FOXP1: variants seen among roughly 807,000 people sequenced by gnomAD.
FOXP1 encodes the protein forkhead box P1.
A neutral mutation model predicts 98.2 loss-of-function variants in FOXP1; 15 were observed. That is an observed-to-expected ratio of 0.15 (90% CI 0.10 to 0.24). The LOEUF (loss-of-function observed/expected upper bound fraction) is 0.24, where lower values mean the gene tolerates loss of function less well. Among genes scored for constraint, FOXP1 ranks in the 10% least tolerant of loss-of-function variants. The probability of loss-of-function intolerance (pLI) is 1.00; values close to 1 mark genes in which losing one functional copy is unlikely to be tolerated. For missense variants in FOXP1, 633 were observed against 848.5 expected (o/e 0.75, Z 3.15); for synonymous variants, 371 against 314.5 (o/e 1.18, Z -1.90).
intron 6 of FOXP1, among the ~76,000 whole-genome samples, chr3:71,179,405 T>C (rs989771340): frequency 2.0e-5 from 3 of 152,046 alleles, no homozygotes; most frequent in Non-Finnish European, 2.9e-5. Context: ...ACTACACAAG[T>C]CTTAACAATA....
chr3:70,970,880 G>T, intron 18 of FOXP1, 75 bp from the exon 19 acceptor site: 1 of 1,134,072 alleles, frequency 8.8e-7, no homozygotes, highest in Non-Finnish European at 1.3e-6. Flanking sequence ...TTTGTTTTAA[G>T]CTTGCTGGTG....
At position 70,959,535 on chromosome 3, in the gene FOXP1, C is replaced by T. The variant is rs927500363; in HGVS notation, c.1890-144G>A. The stretch of plus-strand genomic sequence containing the variant: ...TTGTTACCATTAGCCACACGTGGCT[C>T]TTTAAATTGAAATGAACGAAATCTT... On this transcript the variant is annotated intron_variant, in intron 20 of 20. Transcript: ENST00000649528. 9.4e-6 allele frequency: 8 copies of T among 849,062 alleles called. No homozygotes were observed. In the African/African-American group the frequency reaches 1.2e-4, roughly 13 times the overall value. The allele number at this position is 849,062 out of a possible 1,614,324, so 52.6% of individuals were successfully genotyped here.
intron 7 of FOXP1, among the ~76,000 whole-genome samples, chr3:71,081,666 G>A (rs1176092543): frequency 6.6e-6 from 1 of 152,186 alleles, no homozygotes; most frequent in Non-Finnish European, 1.5e-5. Flanking sequence ...TTTGTTGGAA[G>A]GAGCAGTGCT....
At chr3:71,311,519 T>C (rs2074680449) in intron 4 of FOXP1, among the ~76,000 whole-genome samples, 1 of 152,246 alleles carries the variant, frequency 6.6e-6, no homozygotes, top group Admixed American at 6.5e-5. Context: ...CTCCAGCTAC[T>C]CTGTTCCTAC....
At chr3:71,421,895 C>T (rs1400109795) in intron 3 of FOXP1, among the ~76,000 whole-genome samples, 3 of 152,216 alleles carry the variant, frequency 2.0e-5, no homozygotes, top group Admixed American at 6.5e-5. Context: ...GATGGAGCAC[C>T]TCCATGTGAA....
chr3:71,367,094 A>G (rs964253454), intron 3 of FOXP1, among the ~76,000 whole-genome samples: 1 of 152,192 alleles, frequency 6.6e-6, no homozygotes, highest in Non-Finnish European at 1.5e-5. Flanking sequence ...TTGGCATTTC[A>G]TAAATATTTA....
At chr3:71,270,632 T>C (rs1192075099) in intron 5 of FOXP1, among the ~76,000 whole-genome samples, 4 of 152,200 alleles carry the variant, frequency 2.6e-5, no homozygotes. Context: ...GGATGAGAGT[T>C]TTATCCTGTA....
At chr3:71,064,916 G>GTC in intron 7 of FOXP1, 1 of 540,778 alleles carries the variant, frequency 1.8e-6, no homozygotes, top group Non-Finnish European at 2.3e-6. Context: ...CGGCGTGCAG[G>GTC]CGGACTGCAC....
At chr3:71,001,563 C>A (rs1046534316) in intron 12 of FOXP1, among the ~76,000 whole-genome samples, 1 of 151,818 alleles carries the variant, frequency 6.6e-6, no homozygotes, top group Non-Finnish European at 1.5e-5. Context: ...GAAACATGAG[C>A]CTACACATGC....
At chr3:71,047,597 T>C (rs1159959919) in intron 9 of FOXP1, among the ~76,000 whole-genome samples, 1 of 152,240 alleles carries the variant, frequency 6.6e-6, no homozygotes, top group Non-Finnish European at 1.5e-5. Context: ...AAACTTCATC[T>C]AATATTGTTA....
In FOXP1 at chr3:71,007,121, T is replaced by G. The variant is rs560434865; in HGVS notation, c.975-6062A>C. Among the ~76,000 whole-genome samples the G allele has an allele frequency of 2.0e-5, 3 of 152,260 alleles. No homozygotes were observed. In the South Asian group the frequency reaches 6.2e-4, roughly 32 times the overall value. On this transcript the variant is annotated intron_variant, in intron 12 of 20. Coordinates refer to ENST00000649528, the MANE Select transcript of FOXP1 (RefSeq NM_001349338.3). ...AAGACATTAAAAGGGGGAAAAAATTTTTTTTGGTAACACCCTATTTTTATT... is the reference window on the plus strand; with the variant it reads ...AAGACATTAAAAGGGGGAAAAAATTGTTTTTGGTAACACCCTATTTTTATT...
At chr3:71,095,300 C>T (rs998667524) in intron 7 of FOXP1, among the ~76,000 whole-genome samples, 4 of 152,200 alleles carry the variant, frequency 2.6e-5, no homozygotes, top group Non-Finnish European at 4.4e-5. Flanking sequence ...ATCTGGGCCT[C>T]ACACGGTTGG....
chr3:71,519,717 C>T (rs1195963984), intron 2 of FOXP1, among the ~76,000 whole-genome samples: 1 of 152,226 alleles, frequency 6.6e-6, no homozygotes, highest in Admixed American at 6.5e-5. Context: ...CCCAATTCTT[C>T]CCCCAGTGTG....
chr3:71,279,027 T>C (rs1263899139), intron 5 of FOXP1, among the ~76,000 whole-genome samples: 1 of 151,810 alleles, frequency 6.6e-6, no homozygotes, highest in Non-Finnish European at 1.5e-5. Context: ...CTGTGTCTTC[T>C]ACTAAAAATA....
chr3:71,301,105 A>AC (rs1232740465), intron 4 of FOXP1, among the ~76,000 whole-genome samples: 2 of 152,192 alleles, frequency 1.3e-5, no homozygotes, highest in East Asian at 3.8e-4. Context: ...TTTCATGTTT[A>AC]CTGTAAGAGG....
intron 10 of FOXP1, among the ~76,000 whole-genome samples, chr3:71,041,905 T>C (rs2048397869): frequency 6.6e-6 from 1 of 152,328 alleles, no homozygotes; most frequent in East Asian, 1.9e-4. Flanking sequence ...TGTTCAACTA[T>C]ACTATTATGA....
At chr3:71,139,182 T>C (rs1346207212) in intron 6 of FOXP1, among the ~76,000 whole-genome samples, 3 of 152,240 alleles carry the variant, frequency 2.0e-5, no homozygotes, top group South Asian at 4.2e-4. Context: ...ACGGAGCCAG[T>C]TGTCTAAGCT....
intron 6 of FOXP1, among the ~76,000 whole-genome samples, chr3:71,188,395 C>T (rs530147172): frequency 6.6e-6 from 1 of 150,868 alleles, no homozygotes; most frequent in South Asian, 2.1e-4. Context: ...TGCTTTGCCT[C>T]TTTTTTTCTT....
intron 2 of FOXP1, among the ~76,000 whole-genome samples, chr3:71,501,001 G>A (rs951993711): frequency 1.3e-5 from 2 of 152,090 alleles, no homozygotes; most frequent in African/African-American, 2.4e-5. Flanking sequence ...AGACCAGCCT[G>A]GCCAACATGG....
Sources: allele counts gnomAD v4.1 joint callset (sites outside exome capture counted in the v4.1 genomes callset), GRCh38; gene constraint gnomAD v4.1.1; transcripts MANE v1.5; gene names NCBI Gene and HGNC (gene_info 2026-07-23, HGNC 2026-07-21).